ST6GALNAC3: variants seen among roughly 807,000 people sequenced by gnomAD.
The protein encoded by ST6GALNAC3 is ST6 N-acetylgalactosaminide alpha-2,6-sialyltransferase 3, also known as alpha-N-acetylgalactosaminide alpha-2,6-sialyltransferase 3.
In ST6GALNAC3, 25 loss-of-function variants were observed where a neutral mutation model predicts 32.7. The ratio of observed to expected loss-of-function variants is 0.76; its 90% CI spans 0.56 to 1.07. The LOEUF (loss-of-function observed/expected upper bound fraction) is 1.07, where lower values mean the gene tolerates loss of function less well. Among genes scored for constraint, ST6GALNAC3 ranks in the 50% least tolerant of loss-of-function variants. ST6GALNAC3 has a pLI of 0.00. For synonymous variants in ST6GALNAC3, 129 were observed against 133.1 expected (o/e 0.97, Z 0.21); for missense variants, 355 against 382.4 (o/e 0.93, Z 0.60).
At chr1:76,377,877 TC>T (rs1307811554) in intron 2 of ST6GALNAC3, among the ~76,000 whole-genome samples, 1 of 152,182 alleles carries the variant, frequency 6.6e-6, no homozygotes, top group African/African-American at 2.4e-5. Flanking sequence ...CTGAACCTTT[TC>T]TTGAGTGTCT....
chr1:76,326,823 T>TG (rs1210420364), intron 2 of ST6GALNAC3, among the ~76,000 whole-genome samples: 2 of 102,326 alleles, frequency 2.0e-5, no homozygotes, highest in East Asian at 3.4e-4. Context: ...CTGGAAGTTT[T>TG]GGGTTTTTTT....
chr1:76,434,034 A>G (rs1227217148), intron 3 of ST6GALNAC3, among the ~76,000 whole-genome samples: 1 of 152,174 alleles, frequency 6.6e-6, no homozygotes, highest in Non-Finnish European at 1.5e-5. Flanking sequence ...TGCATGACAA[A>G]TGCTGTTATT....
intron 1 of ST6GALNAC3, among the ~76,000 whole-genome samples, chr1:76,207,126 T>G (rs1352383015): frequency 6.6e-6 from 1 of 152,224 alleles, no homozygotes; most frequent in Non-Finnish European, 1.5e-5. Flanking sequence ...TTGAGTAGTT[T>G]GCACTATTTT....
At chr1:76,480,413 C>T (rs12077146) in intron 3 of ST6GALNAC3, among the ~76,000 whole-genome samples, 27,116 of 151,950 alleles carry the variant, frequency 0.18, 2,988 homozygotes, top group African/African-American at 0.31. Flanking sequence ...TTTTAAGTTT[C>T]CTTTAACTGT....
intron 1 of ST6GALNAC3, among the ~76,000 whole-genome samples, chr1:76,120,884 G>C (rs12408918): frequency 6.6e-6 from 1 of 152,122 alleles, no homozygotes; most frequent in Non-Finnish European, 1.5e-5. Flanking sequence ...TCTAATGTGG[G>C]TCAGCTGGGC....
chr1:76,602,317 G>A (rs915538702), intron 3 of ST6GALNAC3, among the ~76,000 whole-genome samples: 16 of 152,070 alleles, frequency 1.1e-4, no homozygotes, highest in South Asian at 4.2e-4. Flanking sequence ...GTTCATGCGC[G>A]CACGTGTGTG....
chr1:76,111,045 C>T (rs115450271), intron 1 of ST6GALNAC3, among the ~76,000 whole-genome samples: 3,899 of 152,144 alleles, frequency 0.026, 119 homozygotes, highest in Admixed American at 0.073. Flanking sequence ...TGCTGTGTGT[C>T]CTAAAAGCCT....
chr1:76,482,375 C>G (rs1043278560), intron 3 of ST6GALNAC3, among the ~76,000 whole-genome samples: 1 of 152,128 alleles, frequency 6.6e-6, no homozygotes, highest in African/African-American at 2.4e-5. Flanking sequence ...AGTGGCTTCA[C>G]AAACTAGGAG....
At chr1:76,550,488 G>C (rs188219906) in intron 3 of ST6GALNAC3, among the ~76,000 whole-genome samples, 1 of 152,180 alleles carries the variant, frequency 6.6e-6, no homozygotes, top group East Asian at 1.9e-4. Context: ...TCTGTATTAT[G>C]CTTCAGTGTT....
At chr1:76,538,646 TA>T (rs1487938660) in intron 3 of ST6GALNAC3, among the ~76,000 whole-genome samples, 5 of 152,190 alleles carry the variant, frequency 3.3e-5, no homozygotes, top group Admixed American at 3.3e-4. Flanking sequence ...CAAAACTCTT[TA>T]AACTGATAAG....
chr1:76,174,133 A>G (rs545614023), intron 1 of ST6GALNAC3, among the ~76,000 whole-genome samples: 2 of 152,364 alleles, frequency 1.3e-5, no homozygotes, highest in South Asian at 2.1e-4. Flanking sequence ...TGGTACATAT[A>G]CACCATGGAA....
Position 76,346,580 on chromosome 1 carries a change from C to T in ST6GALNAC3, c.213+32581C>T, listed in dbSNP as rs73004216. Among the ~76,000 whole-genome samples the T allele has an allele frequency of 1.7e-3, 252 of 152,270 alleles. 2 individuals carry two copies. Among genetic ancestry groups the T allele is most frequent in the African/African-American group, 5.8e-3 (240 of 41,542 alleles). On this transcript the variant is annotated intron_variant, in intron 2 of 4. Transcript: ENST00000328299. ...GCACATGGCTAAAGCTTGACCTGTA[C>T]GATTTACTTTGGCTGCAATGCACAG... is the stretch of plus-strand genomic sequence containing the variant.
At chr1:76,548,759 T>C (rs35938981) in intron 3 of ST6GALNAC3, among the ~76,000 whole-genome samples, 2,032 of 152,336 alleles carry the variant, frequency 0.013, 19 homozygotes, top group Non-Finnish European at 0.021. Context: ...TCTGCCATGG[T>C]ATATGCCTCT....
chr1:76,183,864 ATATATATATG>A (rs1653352352), intron 1 of ST6GALNAC3, among the ~76,000 whole-genome samples: 2 of 145,930 alleles, frequency 1.4e-5, no homozygotes, highest in South Asian at 4.3e-4. Context: ...ATATATATAT[ATATATATATG>A]TATGTTACTG....
intron 1 of ST6GALNAC3, among the ~76,000 whole-genome samples, chr1:76,079,536 A>G (rs1326077804): frequency 1.3e-5 from 2 of 152,124 alleles, no homozygotes; most frequent in African/African-American, 4.8e-5. Context: ...TGCCTTCGAG[A>G]AGATTATGGT....
intron 1 of ST6GALNAC3, among the ~76,000 whole-genome samples, chr1:76,259,405 G>A (rs540137843): frequency 6.6e-6 from 1 of 152,274 alleles, no homozygotes; most frequent in South Asian, 2.1e-4. Flanking sequence ...TGATCTTTCT[G>A]TGTCCTCGTT....
At chr1:76,172,223 A>G (rs1043321114) in intron 1 of ST6GALNAC3, among the ~76,000 whole-genome samples, 4 of 152,218 alleles carry the variant, frequency 2.6e-5, no homozygotes, top group African/African-American at 9.6e-5. Context: ...CATAAACAGA[A>G]CCAAAGACAA....
At chr1:76,286,174 G>C (rs2100802130) in intron 1 of ST6GALNAC3, among the ~76,000 whole-genome samples, 1 of 152,314 alleles carries the variant, frequency 6.6e-6, no homozygotes. Flanking sequence ...GAAACAGTAA[G>C]AGAGAAGAGG....
chr1:76,297,233 A>G (rs1468086047), intron 1 of ST6GALNAC3, among the ~76,000 whole-genome samples: 2 of 152,052 alleles, frequency 1.3e-5, no homozygotes, highest in Non-Finnish European at 2.9e-5. Context: ...TCTTTTGACT[A>G]TATTGTCTCT....
Sources: allele counts gnomAD v4.1 joint callset (sites outside exome capture counted in the v4.1 genomes callset), GRCh38; gene constraint gnomAD v4.1.1; transcripts MANE v1.5; gene names NCBI Gene and HGNC (gene_info 2026-07-23, HGNC 2026-07-21).